Variants in NPSR1 observed in about 807,000 individuals in gnomAD.
The protein encoded by NPSR1 is neuropeptide S receptor 1.
Under a neutral mutation model 46.9 loss-of-function variants are expected in NPSR1, and 48 were observed. The ratio of observed to expected loss-of-function variants is 1.02; its 90% CI spans 0.81 to 1.30. The LOEUF (loss-of-function observed/expected upper bound fraction) is 1.30, where lower values mean the gene tolerates loss of function less well. Ranked by LOEUF, NPSR1 falls within the 50% of genes most tolerant of loss-of-function variation. The probability of loss-of-function intolerance (pLI) is 0.00; values close to 1 mark genes in which losing one functional copy is unlikely to be tolerated. For synonymous variants in NPSR1, 176 were observed against 168.1 expected (o/e 1.05, Z -0.36); for missense variants, 450 against 449.5 (o/e 1.00, Z -0.01).
intron 2 of NPSR1, chr7:34,718,731 C>A (rs933012092): frequency 6.6e-6 from 1 of 152,168 alleles, no homozygotes; most frequent in Non-Finnish European, 1.5e-5. Context: ...AGTCTGGAAC[C>A]CAAAGGGGCA....
chr7:34,856,758 G>A (rs966528909), intron 8 of NPSR1, among the ~76,000 whole-genome samples: 9 of 151,630 alleles, frequency 5.9e-5, no homozygotes, highest in Non-Finnish European at 1.0e-4. Flanking sequence ...TGAAAACTCG[G>A]GGAAGGGACC....
intron 2 of NPSR1, among the ~76,000 whole-genome samples, chr7:34,723,807 A>G (rs1312369429): frequency 6.6e-6 from 1 of 152,144 alleles, no homozygotes; most frequent in African/African-American, 2.4e-5. Flanking sequence ...CACCCCGCTC[A>G]GCACTTTTTA....
chr7:34,793,978 A>C (rs1053436573), intron 3 of NPSR1, among the ~76,000 whole-genome samples: 2 of 152,158 alleles, frequency 1.3e-5, no homozygotes, highest in African/African-American at 2.4e-5. Context: ...CAGAAAGAAA[A>C]CTACTGCATG....
rs141555789 is a variant in NPSR1, at chr7:34,698,720, A to T, written c.280+14036A>T. ...CTTTACTGGTGGATTGTGAGAAGTG[A>T]GGCCAAGAAGTTGGGGAGGTTAACA... On this transcript the variant is annotated intron_variant, in intron 2 of 8. Transcript: ENST00000360581. Among the ~76,000 whole-genome samples, 420 of 152,328 alleles carry T rather than the reference A, an allele frequency of 2.8e-3. 6 individuals are homozygous for T. Among genetic ancestry groups the T allele is most frequent in the African/African-American group, 9.4e-3 (391 of 41,566 alleles).
chr7:34,778,521 T>G lies in NPSR1; in HGVS notation c.340T>G (p.Phe114Val), dbSNP rs1787082649. Residue 114 changes from phenylalanine to valine, a missense_variant, in exon 3 of 9, where the codon TTC (phenylalanine) becomes GTC (valine). Phe to Val is a conservative substitution (Grantham distance 50, BLOSUM62 -1). Coordinates refer to ENST00000360581, the MANE Select transcript of NPSR1 (RefSeq NM_207172.2). ...TDINWRFTGD[F>V]TAPDLVCRVV... ...TATTAATTGGCGATTCACTGGAGAC[T>G]TCACGGCACCTGACCTGGTTTGCCG... is the stretch of plus-strand genomic sequence containing the variant. The G allele has an allele frequency of 6.2e-7, 1 of 1,613,158 alleles. No homozygotes were observed. The highest frequency in any genetic ancestry group is 1.7e-5 in the Admixed American group (1 of 59,886).
chr7:34,827,705 G>C (rs759265282), intron 5 of NPSR1, 103 bp downstream of exon 5: 22 of 823,176 alleles, frequency 2.7e-5, no homozygotes, highest in Non-Finnish European at 4.2e-5. Context: ...ATTTTTCCTA[G>C]TGCCCTTGAG....
chr7:34,785,539 G>C (rs370284341), intron 3 of NPSR1, among the ~76,000 whole-genome samples: 1 of 135,204 alleles, frequency 7.4e-6, no homozygotes, highest in Non-Finnish European at 1.6e-5. Context: ...AATAAAAAAA[G>C]AAAGAAAATA....
intron 8 of NPSR1, among the ~76,000 whole-genome samples, chr7:34,858,456 C>T (rs190923677): frequency 1.9e-4 from 29 of 151,900 alleles, no homozygotes; most frequent in African/African-American, 7.0e-4. Flanking sequence ...AACATATGAT[C>T]TCATTTATAT....
intron 2 of NPSR1, among the ~76,000 whole-genome samples, chr7:34,720,459 A>C (rs910169539): frequency 6.6e-6 from 1 of 152,172 alleles, no homozygotes; most frequent in East Asian, 1.9e-4. Flanking sequence ...CCATGGGGAA[A>C]TATGGGCAGG....
intron 2 of NPSR1, among the ~76,000 whole-genome samples, chr7:34,706,011 A>C (rs548593225): frequency 4.0e-5 from 6 of 151,786 alleles, no homozygotes; most frequent in Non-Finnish European, 8.8e-5. Flanking sequence ...TTCACTCCAC[A>C]ACAATAATGA....
chr7:34,824,213 T>C (rs2128754819), intron 4 of NPSR1, among the ~76,000 whole-genome samples: 1 of 152,364 alleles, frequency 6.6e-6, no homozygotes, highest in South Asian at 2.1e-4. Flanking sequence ...TCGCTTATTT[T>C]TATTTGCTAG....
At chr7:34,732,989 G>A (rs558924006) in intron 2 of NPSR1, among the ~76,000 whole-genome samples, 34 of 152,248 alleles carry the variant, frequency 2.2e-4, no homozygotes, top group African/African-American at 7.9e-4. Context: ...TACAGCACTT[G>A]GTAAAAGTAA....
chr7:34,678,718 C>T (rs571632592), intron 1 of NPSR1, among the ~76,000 whole-genome samples: 6 of 151,466 alleles, frequency 4.0e-5, no homozygotes, highest in South Asian at 2.1e-4. Flanking sequence ...CCCATCTACT[C>T]GGGAGGCTGA....
intron 3 of NPSR1, among the ~76,000 whole-genome samples, chr7:34,792,884 A>AAAAT (rs1562733564): frequency 6.9e-6 from 1 of 145,952 alleles, no homozygotes; most frequent in Non-Finnish European, 1.5e-5. Flanking sequence ...ACCCTGTCTC[A>AAAAT]AAACAAACAA....
chr7:34,776,729 G>A (rs1303849265), intron 2 of NPSR1, among the ~76,000 whole-genome samples: 1 of 152,088 alleles, frequency 6.6e-6, no homozygotes, highest in East Asian at 1.9e-4. Flanking sequence ...AATGTACCTG[G>A]GTATTGCTGC....
At chr7:34,788,576 T>G (rs1317731303) in intron 3 of NPSR1, among the ~76,000 whole-genome samples, 1 of 152,074 alleles carries the variant, frequency 6.6e-6, no homozygotes, top group Non-Finnish European at 1.5e-5. Context: ...ATAAGGTCAT[T>G]GCATAATAAT....
intron 2 of NPSR1, among the ~76,000 whole-genome samples, chr7:34,773,723 T>C (rs1786799355): frequency 6.6e-6 from 1 of 152,220 alleles, no homozygotes; most frequent in African/African-American, 2.4e-5. Flanking sequence ...TCCATTTTAT[T>C]GGCTAATGAG....
intron 8 of NPSR1, among the ~76,000 whole-genome samples, chr7:34,873,057 A>G (rs958696241): frequency 6.6e-6 from 1 of 151,780 alleles, no homozygotes; most frequent in Non-Finnish European, 1.5e-5. Flanking sequence ...CTTAAGTTCA[A>G]ACTTCTATAG....
intron 6 of NPSR1, among the ~76,000 whole-genome samples, chr7:34,838,961 T>A (rs1420496637): frequency 1.3e-5 from 2 of 152,192 alleles, no homozygotes; most frequent in Non-Finnish European, 2.9e-5. Context: ...ATATGATCCA[T>A]GCTATATCCA....
Sources: allele counts gnomAD v4.1 joint callset (sites outside exome capture counted in the v4.1 genomes callset), GRCh38; gene constraint gnomAD v4.1.1; transcripts MANE v1.5; gene names NCBI Gene and HGNC (gene_info 2026-07-23, HGNC 2026-07-21).